CBFA2T2: variants seen among roughly 807,000 people sequenced by gnomAD.
CBFA2T2 encodes CBFA2/RUNX1 partner transcriptional co-repressor 2.
CBFA2T2 carries 11 observed loss-of-function variants against 62.2 expected under a neutral mutation model. The ratio of observed to expected loss-of-function variants is 0.18; its 90% CI spans 0.11 to 0.29. The LOEUF is 0.29. CBFA2T2 is among the 10% of genes least tolerant of loss of function. CBFA2T2 has a pLI of 1.00. For synonymous variants in CBFA2T2, 295 were observed against 287.5 expected, an observed-to-expected ratio of 1.03 and a Z score of -0.27; for missense variants, 592 against 774.1, an observed-to-expected ratio of 0.76 and a Z score of 2.79.
rs558735834 is a variant in CBFA2T2 at position 33,619,428 on chromosome 20, A to G, written c.421-89A>G. On this transcript the variant is annotated intron_variant, in intron 3 of 10. Transcript: ENST00000342704. ...TCTCAAATAAATAAATAAATAAATA[A>G]CATTAAAAAAAAAAAAAAAGAAGAG... is the stretch of plus-strand genomic sequence containing the variant. The G allele has an allele frequency of 4.0e-4, 265 of 655,248 alleles. No homozygotes were observed. In the African/African-American group the frequency reaches 4.7e-3, roughly 12 times the overall value. 40.6% of individuals were successfully genotyped at this position (655,248 alleles called of 1,614,324 possible).
At chr20:33,615,108 G>A (rs2015660097) in intron 3 of CBFA2T2, among the ~76,000 whole-genome samples, 1 of 152,184 alleles carries the variant, frequency 6.6e-6, no homozygotes, top group Non-Finnish European at 1.5e-5. Context: ...GAGGCAGGAG[G>A]ATCACTTTGG....
chr20:33,622,989 T>G (rs1453471496), intron 4 of CBFA2T2, 126 bp from the exon 5 acceptor site: 20 of 820,580 alleles, frequency 2.4e-5, no homozygotes, highest in Non-Finnish European at 3.6e-5. Flanking sequence ...AAGAAGCATT[T>G]GAAAATCAGA....
intron 1 of CBFA2T2, among the ~76,000 whole-genome samples, chr20:33,536,127 C>T (rs1428591455): frequency 6.6e-6 from 1 of 152,250 alleles, no homozygotes; most frequent in East Asian, 1.9e-4. Context: ...CCTTTCCCCC[C>T]TTTCTATTCC....
chr20:33,626,159 G>A (rs771195447), intron 6 of CBFA2T2, among the ~76,000 whole-genome samples: 3 of 152,148 alleles, frequency 2.0e-5, no homozygotes, highest in Non-Finnish European at 4.4e-5. Flanking sequence ...AGGACTGCTT[G>A]AGCCCAAGAG....
chr20:33,586,750 A>G (rs1352459484), intron 1 of CBFA2T2, among the ~76,000 whole-genome samples: 1 of 152,150 alleles, frequency 6.6e-6, no homozygotes, highest in East Asian at 1.9e-4. Context: ...AAGTCCTGTA[A>G]TTCCACAGAG....
At chr20:33,514,025 C>T (rs1017635684) in intron 1 of CBFA2T2, among the ~76,000 whole-genome samples, 2 of 148,490 alleles carry the variant, frequency 1.3e-5, no homozygotes, top group African/African-American at 5.0e-5. Flanking sequence ...CTCAGCCTCC[C>T]AAGTAGCTGG....
At chr20:33,640,247 C>A in intron 9 of CBFA2T2, 94 bp from the exon 10 acceptor site, 1 of 1,123,160 alleles carries the variant, frequency 8.9e-7, no homozygotes, top group Non-Finnish European at 1.3e-6. Context: ...TAGAAAAGAT[C>A]ACTTTGTGTC....
chr20:33,574,614 A>C (rs2013735278), intron 1 of CBFA2T2, among the ~76,000 whole-genome samples: 1 of 152,174 alleles, frequency 6.6e-6, no homozygotes, highest in Non-Finnish European at 1.5e-5. Context: ...AACGAGTGAA[A>C]CTCCATCTCA....
intron 5 of CBFA2T2, chr20:33,623,695 T>C (rs1015711961): frequency 3.0e-6 from 2 of 659,740 alleles, no homozygotes; most frequent in African/African-American, 1.8e-5. Context: ...GTGCTGGGAT[T>C]ATATGGATGT....
In CBFA2T2 at chr20:33,644,851, C is replaced by G. The variant is rs1774796255; in HGVS notation, c.*205C>G. On this transcript the variant is annotated 3_prime_UTR_variant, in exon 11 of 11. Coordinates refer to ENST00000342704, the MANE Select transcript of CBFA2T2 (RefSeq NM_001032999.3). ...CGGAGCCAGTGTGCCATTCTCTGCA[C>G]ATGGGCAGCCAGCCTGAGCTGCCTC... The G allele has an allele frequency of 8.5e-6, 5 of 589,216 alleles. No individual in the cohort carries two copies. In the Admixed American group the frequency reaches 1.7e-4, roughly 20 times the overall value. 36.5% of individuals were successfully genotyped at this position (589,216 alleles called of 1,614,324 possible). A position where few individuals can be genotyped will look rare whatever the true frequency, so the allele number is the denominator to read the frequency against.
At chr20:33,534,395 C>T (rs1440241944) in intron 1 of CBFA2T2, among the ~76,000 whole-genome samples, 1 of 152,102 alleles carries the variant, frequency 6.6e-6, no homozygotes, top group Non-Finnish European at 1.5e-5. Flanking sequence ...TCCCAGCTCG[C>T]TGCAGCCTCC....
intron 1 of CBFA2T2, among the ~76,000 whole-genome samples, chr20:33,558,825 G>GC (rs1218358657): frequency 6.6e-6 from 1 of 151,214 alleles, no homozygotes; most frequent in Admixed American, 6.6e-5. Flanking sequence ...CAACTGTTTG[G>GC]GGGGGCGGCG....
At chr20:33,583,673 G>A (rs913063630) in intron 1 of CBFA2T2, among the ~76,000 whole-genome samples, 1 of 152,186 alleles carries the variant, frequency 6.6e-6, no homozygotes, top group African/African-American at 2.4e-5. Flanking sequence ...GGTGACCCAA[G>A]TCTACCAGCA....
At chr20:33,524,604 A>T (rs1282034889) in intron 1 of CBFA2T2, among the ~76,000 whole-genome samples, 3 of 149,934 alleles carry the variant, frequency 2.0e-5, no homozygotes, top group Non-Finnish European at 4.4e-5. Flanking sequence ...TTTTAGGATT[A>T]AAAAAAAAAT....
intron 1 of CBFA2T2, among the ~76,000 whole-genome samples, chr20:33,499,075 T>C (rs777794442): frequency 6.6e-6 from 1 of 151,186 alleles, no homozygotes; most frequent in Non-Finnish European, 1.5e-5. Context: ...AGCAGAGAGA[T>C]TGAGTTTAAG....
At chr20:33,563,292 A>G (rs760532676) in intron 1 of CBFA2T2, among the ~76,000 whole-genome samples, 7 of 152,208 alleles carry the variant, frequency 4.6e-5, no homozygotes, top group East Asian at 1.9e-4. Context: ...TTGTGATGCA[A>G]TAAATTCATG....
At position 33,554,245 on chromosome 20, in the gene CBFA2T2, TTACTTTTTTC is replaced by T. The variant is rs2012822182; in HGVS notation, c.35-52709_35-52700del. 7.9e-5 allele frequency among the ~76,000 whole-genome samples: 12 copies of T among 151,956 alleles called. No homozygotes were observed. In the South Asian group the frequency reaches 2.5e-3, roughly 31 times the overall value. On this transcript the variant is annotated intron_variant, in intron 1 of 10. Coordinates refer to ENST00000342704, the MANE Select transcript of CBFA2T2 (RefSeq NM_001032999.3). ...CTATAAGCACCAGTGTTTATTTTTCTTACTTTTTTCTTTTTTTTTTTTTTTTTCAGACAGT... is the reference window on the plus strand; with the variant it reads ...CTATAAGCACCAGTGTTTATTTTTCTTTTTTTTTTTTTTTTTTCAGACAGT...
intron 1 of CBFA2T2, among the ~76,000 whole-genome samples, chr20:33,570,790 C>A (rs2013531252): frequency 6.6e-6 from 1 of 152,122 alleles, no homozygotes; most frequent in South Asian, 2.1e-4. Context: ...ATTTTCTTTT[C>A]ATCTGTTTTA....
intron 1 of CBFA2T2, among the ~76,000 whole-genome samples, chr20:33,533,341 A>T (rs531233006): frequency 3.2e-4 from 49 of 152,296 alleles, no homozygotes; most frequent in Middle Eastern, 3.4e-3. Context: ...CAGTCACTAT[A>T]GATTAGTGTG....
Sources: gnomAD v4.1 joint callset for allele counts (sites outside exome capture counted in the v4.1 genomes callset) on GRCh38, gnomAD v4.1.1 for gene constraint, MANE v1.5 for transcripts, NCBI Gene and HGNC (gene_info 2026-07-23, HGNC 2026-07-21) for gene names.